Variants in SLC5A12 observed in about 807,000 individuals in gnomAD.
SLC5A12 encodes the protein sodium-coupled monocarboxylate transporter 2.
In SLC5A12, 46 loss-of-function variants were observed where a neutral mutation model predicts 72.7. The observed-to-expected ratio is 0.63, with a 90% CI of 0.50 to 0.81. SLC5A12 has a LOEUF of 0.81. Ranked by LOEUF, SLC5A12 falls within the 30% of genes least tolerant of loss-of-function variation. The pLI is 0.00. For synonymous variants in SLC5A12, 275 were observed against 264.4 expected (o/e 1.04, Z -0.39); for missense variants, 683 against 740.7 (o/e 0.92, Z 0.90).
At chr11:26,686,267 T>G (rs571603954) in intron 10 of SLC5A12, among the ~76,000 whole-genome samples, 1 of 149,892 alleles carries the variant, frequency 6.7e-6, no homozygotes, top group South Asian at 2.2e-4. Context: ...TAGTTTCCCC[T>G]TCGGAAAGTG....
At position 26,703,780 on chromosome 11, in the gene SLC5A12, G is replaced by A; in HGVS notation, c.680+13C>T. 1 of 1,613,456 alleles carries A rather than the reference G, an allele frequency of 6.2e-7. No homozygotes were observed. Among genetic ancestry groups the A allele is most frequent in the South Asian group, 1.1e-5 (1 of 91,044 alleles). On this transcript the variant is annotated intron_variant, in intron 5 of 14. Coordinates refer to ENST00000396005, the MANE Select transcript of SLC5A12 (RefSeq NM_178498.4). ...AGTCTTTGTAAAGTATGAAAAAGTT[G>A]CATTGGACATACTCAAATATATGTA...
At chr11:26,711,249 A>T in intron 3 of SLC5A12, 58 bp downstream of exon 3, 2 of 1,353,768 alleles carry the variant, frequency 1.5e-6, no homozygotes. Flanking sequence ...TAATTCTGCA[A>T]GGTGAGAATT....
At chr11:26,703,748 G>A (rs1855018917) in intron 5 of SLC5A12, 45 bp downstream of exon 5, 10 of 1,612,844 alleles carry the variant, frequency 6.2e-6, no homozygotes, top group Non-Finnish European at 7.6e-6. Flanking sequence ...ATAAGGTCAT[G>A]TAGCTAAGTC....
At chr11:26,690,016 G>A (rs377047341) in intron 9 of SLC5A12, among the ~76,000 whole-genome samples, 17 of 152,268 alleles carry the variant, frequency 1.1e-4, no homozygotes, top group African/African-American at 4.1e-4. Context: ...GTTGAAAGAG[G>A]AAGATGTGAG....
At chr11:26,684,723 C>T (rs1854489223) in intron 10 of SLC5A12, among the ~76,000 whole-genome samples, 1 of 152,146 alleles carries the variant, frequency 6.6e-6, no homozygotes, top group Non-Finnish European at 1.5e-5. Context: ...GGAGTCCTTG[C>T]CTATCTGGAG....
intron 14 of SLC5A12, among the ~76,000 whole-genome samples, chr11:26,671,839 G>A (rs897400824): frequency 5.9e-5 from 9 of 152,052 alleles, no homozygotes; most frequent in African/African-American, 1.2e-4. Flanking sequence ...AACTTGATCC[G>A]TTGCTTCTAG....
At chr11:26,681,351 A>T (rs1854408607) in intron 11 of SLC5A12, 130 bp from the exon 12 acceptor site, 1 of 702,074 alleles carries the variant, frequency 1.4e-6, no homozygotes, top group Admixed American at 3.5e-5. Flanking sequence ...TATTTCAGAA[A>T]CACTCTGCTC....
intron 10 of SLC5A12, among the ~76,000 whole-genome samples, chr11:26,685,360 A>G (rs1442769062): frequency 2.6e-5 from 4 of 152,164 alleles, no homozygotes; most frequent in Non-Finnish European, 5.9e-5. Context: ...AGTGGCTCAC[A>G]TCTGTAATCC....
chr11:26,680,414 C>CATATATATATATGTATATATAT (rs1854383937), intron 12 of SLC5A12, among the ~76,000 whole-genome samples: 2 of 53,922 alleles, frequency 3.7e-5, no homozygotes, highest in Non-Finnish European at 8.8e-5. Flanking sequence ...TATATATTTC[C>CATATATATATATGTATATATAT]TCATTTTTCC....
chr11:26,671,704 G>A (rs900309901), intron 14 of SLC5A12, among the ~76,000 whole-genome samples: 3 of 152,092 alleles, frequency 2.0e-5, no homozygotes, highest in Admixed American at 6.6e-5. Context: ...GAGCCCAGTA[G>A]TGACACAAGG....
At chr11:26,686,430 G>A (rs1460819595) in intron 10 of SLC5A12, 47 bp downstream of exon 10, 1 of 1,557,418 alleles carries the variant, frequency 6.4e-7, no homozygotes. Flanking sequence ...AAGAGAGTGG[G>A]GGGAAGTTCC....
chr11:26,671,029 G>C lies in SLC5A12; in HGVS notation c.*73C>G. On this transcript the variant is annotated 3_prime_UTR_variant, in exon 15 of 15. Transcript: ENST00000396005. ...ACTATACATATCTACTAACAAGTAG[G>C]CAAGAAGTATGTGGAGTTTGTGTGT... The C allele has an allele frequency of 7.3e-7, 1 of 1,366,438 alleles. No individual in the cohort carries two copies. The highest frequency in any genetic ancestry group is 9.9e-7 in the Non-Finnish European group (1 of 1,010,712). 84.6% of individuals were successfully genotyped at this position (1,366,438 alleles called of 1,614,324 possible).
rs1271565188 is a variant in SLC5A12, at chr11:26,670,337, T to C, written c.*765A>G. On this transcript the variant is annotated 3_prime_UTR_variant, in exon 15 of 15. Coordinates refer to ENST00000396005, the MANE Select transcript of SLC5A12 (RefSeq NM_178498.4). Reference sequence around the variant, plus strand: ...GCCCTGGAAAAAGGCTCTAGACTTCTTATTGAGCTCTGAGGCAATTTTTCA... The same window carrying C: ...GCCCTGGAAAAAGGCTCTAGACTTCCTATTGAGCTCTGAGGCAATTTTTCA... 2.0e-5 allele frequency: 3 copies of C among 152,136 alleles called. No individual in the cohort carries two copies. The highest frequency in any genetic ancestry group is 4.1e-4 in the South Asian group (2 of 4,830). 9.4% of individuals were successfully genotyped at this position (152,136 alleles called of 1,614,324 possible).
At chr11:26,671,355 T>C (rs72883247) in intron 14 of SLC5A12, 104 bp from the exon 15 acceptor site, 23,394 of 920,364 alleles carry the variant, frequency 0.025, 371 homozygotes, top group Middle Eastern at 0.054. Context: ...ATTATATATA[T>C]GTACAAAAGA....
chr11:26,686,681 C>A (rs1854543627), intron 9 of SLC5A12, 137 bp from the exon 10 acceptor site: 2 of 675,502 alleles, frequency 3.0e-6, no homozygotes, highest in Non-Finnish European at 5.1e-6. Context: ...CCTCCCCATT[C>A]AGCCATCATC....
chr11:26,692,493 G>A lies in SLC5A12; in HGVS notation c.1149C>T (p.Gly383=). ...SDKLSTWISK[G]LCLLFGVMCT... ...AAGTCCACCAGCTGTACCTACATAA[G>A]CCTTTACTGATCCAGGTGCTCAGCT... The change falls in exon 9 of 15, where the codon GGC becomes GGT. Residue 383 remains glycine (G), a synonymous_variant. Coordinates refer to ENST00000396005, the MANE Select transcript of SLC5A12 (RefSeq NM_178498.4). 1 of 1,605,204 alleles carries A rather than the reference G, an allele frequency of 6.2e-7. No homozygotes were observed. The highest frequency in any genetic ancestry group is 8.5e-7 in the Non-Finnish European group (1 of 1,171,886).
intron 1 of SLC5A12, among the ~76,000 whole-genome samples, chr11:26,720,450 C>T (rs1392553345): frequency 6.6e-6 from 1 of 151,934 alleles, no homozygotes; most frequent in African/African-American, 2.4e-5. Flanking sequence ...ATAAAAATTA[C>T]ATTACATAAA....
chr11:26,693,078 T>C (rs186953971), intron 8 of SLC5A12, among the ~76,000 whole-genome samples: 1 of 152,340 alleles, frequency 6.6e-6, no homozygotes, highest in African/African-American at 2.4e-5. Flanking sequence ...CAGAAAGACG[T>C]AGATCTTGCA....
intron 14 of SLC5A12, 84 bp from the exon 15 acceptor site, chr11:26,671,335 G>C: frequency 8.0e-7 from 1 of 1,245,268 alleles, no homozygotes; most frequent in South Asian, 1.7e-5. Context: ...TTAGGCCTTG[G>C]CTTCAAAAAA....
Sources: gnomAD v4.1 joint callset for allele counts (sites outside exome capture counted in the v4.1 genomes callset) on GRCh38, gnomAD v4.1.1 for gene constraint, MANE v1.5 for transcripts, NCBI Gene and HGNC (gene_info 2026-07-23, HGNC 2026-07-21) for gene names.